Variants in CHN2 observed in about 807,000 individuals in gnomAD.
CHN2 encodes the protein chimerin 2.
Under a neutral mutation model 56.3 loss-of-function variants are expected in CHN2, and 35 were observed. That is an observed-to-expected ratio of 0.62 (90% confidence interval 0.47 to 0.82). The LOEUF (loss-of-function observed/expected upper bound fraction) is 0.82, where lower values mean the gene tolerates loss of function less well. Among genes scored for constraint, CHN2 ranks in the 40% least tolerant of loss-of-function variants. The probability of loss-of-function intolerance (pLI) is 0.00; values close to 1 mark genes in which losing one functional copy is unlikely to be tolerated. For synonymous variants in CHN2, 210 were observed against 212.8 expected (o/e 0.99, Z 0.12); for missense variants, 491 against 580.5 (o/e 0.85, Z 1.58).
chr7:29,474,229 G>A lies in CHN2; in HGVS notation c.577-6050G>A, dbSNP rs569377141. ...ATTAAATGTTCTTTTAATTGTCTTT[G>A]TTAATGTCTACATAATACCCTATTA... On this transcript the variant is annotated intron_variant, in intron 6 of 12. Coordinates refer to ENST00000222792, the MANE Select transcript of CHN2 (RefSeq NM_004067.4). 3.3e-5 allele frequency among the ~76,000 whole-genome samples: 5 copies of A among 152,166 alleles called. No homozygotes were observed. In the South Asian group the frequency reaches 8.3e-4, roughly 25 times the overall value.
At chr7:29,351,783 G>A (rs1797904410) in intron 1 of CHN2, among the ~76,000 whole-genome samples, 1 of 152,202 alleles carries the variant, frequency 6.6e-6, no homozygotes, top group South Asian at 2.1e-4. Flanking sequence ...AGAGAGGCGG[G>A]CAGGCTCCCA....
chr7:29,190,587 G>A (rs775750740), upstream of CHN2, among the ~76,000 whole-genome samples: 39 of 152,174 alleles, frequency 2.6e-4, no homozygotes, highest in Non-Finnish European at 4.3e-4. Context: ...TGTAACAGCC[G>A]GTGAAGGAGG....
intron 2 of CHN2, among the ~76,000 whole-genome samples, chr7:29,164,891 T>G (rs969201797): frequency 6.6e-6 from 1 of 152,150 alleles, no homozygotes. Flanking sequence ...TCTAGAGTGT[T>G]CCATTGATCT....
chr7:29,213,675 C>T (rs555972224), intron 1 of CHN2, among the ~76,000 whole-genome samples: 2 of 152,200 alleles, frequency 1.3e-5, no homozygotes, highest in South Asian at 4.2e-4. Flanking sequence ...TCATTGATTT[C>T]CTCACCTTTT....
intron 6 of CHN2, among the ~76,000 whole-genome samples, chr7:29,417,903 G>A (rs1448576682): frequency 6.6e-6 from 1 of 152,194 alleles, no homozygotes; most frequent in Non-Finnish European, 1.5e-5. Context: ...GAGCTTCATA[G>A]TAAAGACACG....
rs576153774 is a variant in CHN2 at position 29,390,036 on chromosome 7, A to G, written c.145-3643A>G. ...CCCACTGCACTCCAGCCTGGGCAACAGAGCGAGACACTGTCTCAAAAAAAA... is the reference window on the plus strand; with the variant it reads ...CCCACTGCACTCCAGCCTGGGCAACGGAGCGAGACACTGTCTCAAAAAAAA... On this transcript the variant is annotated intron_variant, in intron 3 of 12. Transcript: ENST00000222792. Among the ~76,000 whole-genome samples, 881 of 139,010 alleles carry G rather than the reference A, an allele frequency of 6.3e-3. 9 individuals carry two copies. The highest frequency in any genetic ancestry group is 0.022 in the African/African-American group (827 of 37,904). The allele number at this position is 139,010 out of a possible 152,430, so 91.2% of individuals were successfully genotyped here. A position where few individuals can be genotyped will look rare whatever the true frequency, so the allele number is the denominator to read the frequency against.
intron 3 of CHN2, among the ~76,000 whole-genome samples, chr7:29,388,706 G>A (rs530750817): frequency 1.3e-5 from 2 of 152,116 alleles, no homozygotes; most frequent in African/African-American, 4.8e-5. Context: ...ATAAGACCAC[G>A]TAAAAATGAT....
intron 1 of CHN2, among the ~76,000 whole-genome samples, chr7:29,276,710 C>T (rs552319520): frequency 9.8e-5 from 15 of 152,340 alleles, no homozygotes; most frequent in African/African-American, 3.1e-4. Flanking sequence ...CCACTAGCTG[C>T]TTCCTGGATT....
chr7:29,473,470 G>GTTT lies in CHN2; in HGVS notation c.577-6798_577-6796dup, dbSNP rs765290417. Among the ~76,000 whole-genome samples the GTTT allele has an allele frequency of 7.8e-4, 73 of 93,484 alleles. 2 individuals are homozygous for GTTT. Among genetic ancestry groups the GTTT allele is most frequent in the South Asian group, 3.4e-3 (10 of 2,966 alleles). 61.3% of individuals were successfully genotyped at this position (93,484 alleles called of 152,430 possible). ...GGGGTGTTTGTGTGTGTGTGTTTGT[G>GTTT]TTTTTTTTTTTTTGTGTGTGTGTGT... On this transcript the variant is annotated intron_variant, in intron 6 of 12. Coordinates refer to ENST00000222792, the MANE Select transcript of CHN2 (RefSeq NM_004067.4).
chr7:29,348,509 T>A (rs974742694), intron 1 of CHN2, among the ~76,000 whole-genome samples: 2 of 152,202 alleles, frequency 1.3e-5, no homozygotes, highest in East Asian at 1.9e-4. Context: ...CATCCTTTCA[T>A]GAGAGGAGAC....
At chr7:29,263,820 T>G (rs1399758297) in intron 1 of CHN2, among the ~76,000 whole-genome samples, 1 of 126,066 alleles carries the variant, frequency 7.9e-6, no homozygotes, top group Non-Finnish European at 1.7e-5. Flanking sequence ...GTGAGGGGCG[T>G]CTCTGACCGG....
At chr7:29,307,233 C>A (rs538910344) in intron 1 of CHN2, among the ~76,000 whole-genome samples, 1 of 152,216 alleles carries the variant, frequency 6.6e-6, no homozygotes, top group African/African-American at 2.4e-5. Flanking sequence ...TTTTTAAAAG[C>A]CTAATAAAAA....
At chr7:29,234,385 C>A (rs888049195) in intron 1 of CHN2, among the ~76,000 whole-genome samples, 1 of 152,178 alleles carries the variant, frequency 6.6e-6, no homozygotes, top group Non-Finnish European at 1.5e-5. Context: ...AAACCTTCCT[C>A]GATCAGACTC....
chr7:29,203,194 C>T (rs541323627), intron 1 of CHN2, among the ~76,000 whole-genome samples: 26 of 152,280 alleles, frequency 1.7e-4, no homozygotes, highest in East Asian at 7.7e-4. Flanking sequence ...AGGCCTGGCA[C>T]GGTGGCTCAC....
At chr7:29,416,323 C>G (rs957491650) in intron 6 of CHN2, among the ~76,000 whole-genome samples, 2 of 152,090 alleles carry the variant, frequency 1.3e-5, no homozygotes, top group African/African-American at 4.8e-5. Flanking sequence ...CAGTCTTAAC[C>G]TTTAGAAGCT....
intron 2 of CHN2, among the ~76,000 whole-genome samples, chr7:29,179,398 C>T (rs1584592906): frequency 1.3e-5 from 2 of 152,226 alleles, no homozygotes; most frequent in East Asian, 1.9e-4. Context: ...GAAGAAAAGA[C>T]TCCAGAATGC....
chr7:29,335,503 T>A (rs1192883686), intron 1 of CHN2, among the ~76,000 whole-genome samples: 2 of 152,254 alleles, frequency 1.3e-5, no homozygotes, highest in Non-Finnish European at 2.9e-5. Flanking sequence ...TTTCAGTATG[T>A]TATTTAGGGA....
In CHN2 at chr7:29,512,586, A is replaced by G; in HGVS notation, c.1258A>G (p.Asn420Asp). Residue 420 changes from asparagine (N) to aspartate (D), a missense_variant, in exon 13 of 13, where the codon AAT (asparagine) becomes GAT (aspartate). Physicochemically the swap from Asn to Asp is conservative, Grantham distance 23. Coordinates refer to ENST00000222792, the MANE Select transcript of CHN2 (RefSeq NM_004067.4). ...LKKVTMNEKDNFMNAENLGIV... is the reference protein window; with the variant it reads ...LKKVTMNEKDDFMNAENLGIV... The stretch of plus-strand genomic sequence containing the variant: ...CAGGGTTACTATGAATGAAAAAGAC[A>G]ATTTCATGAATGCAGAAAATCTGGG... 6.2e-7 allele frequency: 1 copy of G among 1,612,896 alleles called. No individual in the cohort carries two copies. The highest frequency in any genetic ancestry group is 8.5e-7 in the Non-Finnish European group (1 of 1,179,646).
chr7:29,370,205 T>C (rs1799498568), intron 3 of CHN2, among the ~76,000 whole-genome samples: 1 of 152,294 alleles, frequency 6.6e-6, no homozygotes, highest in Middle Eastern at 3.4e-3. Context: ...TCCCAGGAGT[T>C]GGCCTCCTGC....
Sources: gnomAD v4.1 joint callset for allele counts (sites outside exome capture counted in the v4.1 genomes callset) on GRCh38, gnomAD v4.1.1 for gene constraint, MANE v1.5 for transcripts, NCBI Gene and HGNC (gene_info 2026-07-23, HGNC 2026-07-21) for gene names.